RPS6KA2: variants seen among roughly 807,000 people sequenced by gnomAD.
The protein encoded by RPS6KA2 is ribosomal protein S6 kinase A2.
Under a neutral mutation model 91.8 loss-of-function variants are expected in RPS6KA2, and 42 were observed. That is an observed-to-expected ratio of 0.46 (90% confidence interval 0.36 to 0.59). The LOEUF (loss-of-function observed/expected upper bound fraction) is 0.59, where lower values mean the gene tolerates loss of function less well. Ranked by LOEUF, RPS6KA2 falls within the 20% of genes least tolerant of loss-of-function variation. The pLI is 0.00. For synonymous variants in RPS6KA2, 414 were observed against 393.6 expected, an observed-to-expected ratio of 1.05 and a Z score of -0.61; for missense variants, 798 against 978.5, an observed-to-expected ratio of 0.82 and a Z score of 2.46.
intron 11 of RPS6KA2, among the ~76,000 whole-genome samples, chr6:166,467,727 C>T (rs765697064): frequency 3.9e-5 from 6 of 152,228 alleles, no homozygotes; most frequent in Non-Finnish European, 7.3e-5. Context: ...CTGTCCCCTG[C>T]TGCATCCTCC....
chr6:166,738,601 C>G (rs10484521), intron 2 of RPS6KA2, among the ~76,000 whole-genome samples: 13,136 of 152,186 alleles, frequency 0.086, 610 homozygotes, highest in Middle Eastern at 0.14. Flanking sequence ...ACTAGGTTGA[C>G]TCATTTAACT....
At position 166,457,947 on chromosome 6, in the gene RPS6KA2, G is replaced by A. The variant is rs193213921; in HGVS notation, c.1075+1502C>T. On this transcript the variant is annotated intron_variant, in intron 12 of 20. Transcript: ENST00000265678. ...GCGAGAAAAAATACAGTGAATCCCC[G>A]TAGATCCAAGATGCAGCCTGGCCAA... Among the ~76,000 whole-genome samples, 353 of 152,262 alleles carry A rather than the reference G, an allele frequency of 2.3e-3. 2 individuals carry two copies. The highest frequency in any genetic ancestry group is 5.9e-3 in the African/African-American group (243 of 41,538).
intron 2 of RPS6KA2, among the ~76,000 whole-genome samples, chr6:166,710,612 T>A (rs912488488): frequency 3.3e-5 from 5 of 152,062 alleles, no homozygotes; most frequent in African/African-American, 1.2e-4. Context: ...ATCCTGGAGG[T>A]GCATGTGTTA....
chr6:166,507,388 ACC>A (rs869166508), intron 5 of RPS6KA2, among the ~76,000 whole-genome samples: 57 of 150,264 alleles, frequency 3.8e-4, no homozygotes, highest in African/African-American at 1.1e-3. Context: ...ACACACACAC[ACC>A]CACCCCACAT....
chr6:166,766,902 C>T (rs1778326102), intron 2 of RPS6KA2, among the ~76,000 whole-genome samples: 2 of 152,252 alleles, frequency 1.3e-5, no homozygotes, highest in African/African-American at 4.8e-5. Flanking sequence ...ACCCTACTCG[C>T]CCCACAGTGT....
At position 166,852,005 on chromosome 6, in the gene RPS6KA2, T is replaced by C. The variant is rs1296473436; in HGVS notation, c.123+6195A>G. Among the ~76,000 whole-genome samples, 1 of 152,218 alleles carries C rather than the reference T, an allele frequency of 6.6e-6. No individual in the cohort carries two copies. The highest frequency in any genetic ancestry group is 2.4e-5 in the African/African-American group (1 of 41,452). On this transcript the variant is annotated intron_variant, in intron 2 of 21. Transcript: ENST00000503859. The surrounding 1 kb of genome is among the most constrained non-coding windows in gnomAD (Gnocchi z 4.1). The stretch of plus-strand genomic sequence containing the variant: ...TCTTTTCTGCCTCAATAAATGCTAA[T>C]GTTCCATGAAGCCAATGTTATTCTC...
chr6:166,737,222 A>G lies in RPS6KA2; in HGVS notation c.123+120978T>C, dbSNP rs1480590062. Among the ~76,000 whole-genome samples, 1 of 152,212 alleles carries G rather than the reference A, an allele frequency of 6.6e-6. No individual in the cohort carries two copies. The highest frequency in any genetic ancestry group is 1.5e-5 in the Non-Finnish European group (1 of 68,034). On this transcript the variant is annotated intron_variant, in intron 2 of 21. Coordinates refer to the RPS6KA2 transcript ENST00000503859. The surrounding 1 kb of genome is among the most constrained non-coding windows in gnomAD (Gnocchi z 4.3). ...TTGATTATTCTCTGTTTAGTCTACA[A>G]TGAACCAGATCACACTTGTAATATT...
chr6:166,535,055 A>C (rs900099017), intron 2 of RPS6KA2, among the ~76,000 whole-genome samples: 3 of 152,214 alleles, frequency 2.0e-5, no homozygotes, highest in African/African-American at 7.2e-5. Context: ...ATAAGCTCCA[A>C]AACAACACTG....
chr6:166,626,939 G>T lies in RPS6KA2; in HGVS notation c.81C>A (p.Ser27=). Residue 27 remains serine (S), a synonymous_variant, in exon 1 of 21, where the codon TCC becomes TCA. Transcript: ENST00000265678. This position sits in a 1 kb window ranked among gnomAD's most constrained non-coding sequence, Gnocchi z 4.1. ...YLRRKSRSKS[S]SLSRLEEEGV... is the part of the protein sequence containing the mutation. ...GCATTACCTCGAGCCGGCTCAGGCT[G>T]GAGCTCTTGGAGCGCGACTTCCTGC... 6.5e-7 allele frequency: 1 copy of T among 1,550,130 alleles called. No individual in the cohort carries two copies. Among genetic ancestry groups the T allele is most frequent in the Non-Finnish European group, 8.7e-7 (1 of 1,146,866 alleles).
At chr6:166,711,633 T>G (rs1322093322) in intron 2 of RPS6KA2, among the ~76,000 whole-genome samples, 1 of 151,928 alleles carries the variant, frequency 6.6e-6, no homozygotes, top group Non-Finnish European at 1.5e-5. Flanking sequence ...CTGGGCTTAA[T>G]AGCTGAGTCG....
At chr6:166,833,671 C>T (rs1780242389) in intron 2 of RPS6KA2, among the ~76,000 whole-genome samples, 1 of 152,176 alleles carries the variant, frequency 6.6e-6, no homozygotes, top group Non-Finnish European at 1.5e-5. Context: ...GTGAGATGTA[C>T]TTGTGTTGCT....
intron 2 of RPS6KA2, among the ~76,000 whole-genome samples, chr6:166,694,628 C>T (rs1238953207): frequency 2.0e-5 from 3 of 152,202 alleles, no homozygotes; most frequent in South Asian, 2.1e-4. Flanking sequence ...GAAGCTGATG[C>T]GAACCTCTCC....
intron 2 of RPS6KA2, among the ~76,000 whole-genome samples, chr6:166,843,644 G>T (rs1780541412): frequency 6.6e-6 from 1 of 152,202 alleles, no homozygotes; most frequent in East Asian, 1.9e-4. Context: ...TAGCTCTGCT[G>T]GGTGGCTAGA....
Position 166,490,573 on chromosome 6 carries a change from C to A in RPS6KA2, c.818+98G>T, listed in dbSNP as rs538390949. The A allele has an allele frequency of 3.8e-4, 315 of 828,100 alleles. No homozygotes were observed. Among genetic ancestry groups the A allele is most frequent in the Non-Finnish European group, 5.9e-4 (294 of 494,470 alleles). The allele number at this position is 828,100 out of a possible 1,614,324, so 51.3% of individuals were successfully genotyped here. A position where few individuals can be genotyped will look rare whatever the true frequency, so the allele number is the denominator to read the frequency against. On this transcript the variant is annotated intron_variant, in intron 9 of 20. Coordinates refer to ENST00000265678, the MANE Select transcript of RPS6KA2 (RefSeq NM_021135.6). The surrounding 1 kb of genome is among the most constrained non-coding windows in gnomAD (Gnocchi z 4.2). ...CAATACTTTGGCACTGTAAGCCTAG[C>A]AATGTAATTAAAACTTCACAGTTCC... is the stretch of plus-strand genomic sequence containing the variant.
upstream of RPS6KA2, among the ~76,000 whole-genome samples, chr6:166,629,783 G>T (rs889442038): frequency 6.6e-6 from 1 of 152,152 alleles, no homozygotes; most frequent in African/African-American, 2.4e-5. Flanking sequence ...AGCACAGTAA[G>T]TTTGAGACTG....
chr6:166,701,443 C>T (rs193167391), intron 2 of RPS6KA2: 119 of 1,197,164 alleles, frequency 9.9e-5, no homozygotes, highest in Admixed American at 8.9e-4. Flanking sequence ...AGCCTTGAAC[C>T]GAGCCTCTGG....
chr6:166,754,897 G>A (rs1226561758), intron 2 of RPS6KA2, among the ~76,000 whole-genome samples: 2 of 152,116 alleles, frequency 1.3e-5, no homozygotes, highest in South Asian at 2.1e-4. Context: ...CTGCCCTGTC[G>A]CTCACTCGTC....
At chr6:166,792,588 C>T (rs1247965051) in intron 2 of RPS6KA2, among the ~76,000 whole-genome samples, 27 of 151,710 alleles carry the variant, frequency 1.8e-4, no homozygotes, top group African/African-American at 4.6e-4. Context: ...TGATGAACAT[C>T]GATGCAAAAA....
At chr6:166,463,538 C>A (rs116566157) in intron 11 of RPS6KA2, 1 of 152,100 alleles carries the variant, frequency 6.6e-6, no homozygotes, top group Non-Finnish European at 1.5e-5. Flanking sequence ...AACAAGCGCA[C>A]GTGAGGAAGC....
Sources: gnomAD v4.1 joint callset for allele counts (sites outside exome capture counted in the v4.1 genomes callset) on GRCh38, gnomAD v4.1.1 for gene constraint, Gnocchi (gnomAD v3.1) non-coding constraint, MANE v1.5 for transcripts, NCBI Gene and HGNC (gene_info 2026-07-23, HGNC 2026-07-21) for gene names.